SCN2A: variants seen among roughly 807,000 people sequenced by gnomAD.
SCN2A encodes the protein sodium voltage-gated channel alpha subunit 2.
A neutral mutation model predicts 188.7 loss-of-function variants in SCN2A; 20 were observed. The ratio of observed to expected loss-of-function variants is 0.11; its 90% confidence interval spans 0.07 to 0.15. The LOEUF (loss-of-function observed/expected upper bound fraction) is 0.15. SCN2A is among the 10% of genes least tolerant of loss of function. The pLI is 1.00. For missense variants in SCN2A, 1,278 were observed against 2,445.0 expected (o/e 0.52, Z 10.07); for synonymous variants, 804 against 833.1 (o/e 0.97, Z 0.60).
At chr2:165,266,842 A>G (rs1694888133) in intron 1 of SCN2A, 2 of 152,136 alleles carry the variant, frequency 1.3e-5, no homozygotes, top group African/African-American at 4.8e-5. Flanking sequence ...AAGTCAACAT[A>G]CAAAAATCAG....
intron 7 of SCN2A, 59 bp downstream of exon 7, chr2:165,310,654 T>A: frequency 8.1e-7 from 1 of 1,231,064 alleles, no homozygotes. Context: ...AAATATTATA[T>A]ATAATGGAAA....
chr2:165,286,785 T>G (rs1695854643), intron 1 of SCN2A, among the ~76,000 whole-genome samples: 1 of 152,194 alleles, frequency 6.6e-6, no homozygotes, highest in South Asian at 2.1e-4. Context: ...TCATTGAGGA[T>G]TTCTCTGGAA....
At chr2:165,280,179 G>A (rs1574490928) in intron 1 of SCN2A, among the ~76,000 whole-genome samples, 1 of 152,180 alleles carries the variant, frequency 6.6e-6, no homozygotes, top group East Asian at 1.9e-4. Context: ...TAAAAGCAAT[G>A]GTAATTTGTC....
chr2:165,308,236 A>G (rs1256829322), intron 4 of SCN2A, among the ~76,000 whole-genome samples: 1 of 152,154 alleles, frequency 6.6e-6, no homozygotes, highest in Non-Finnish European at 1.5e-5. Context: ...GATAAAAAGT[A>G]TACCTAGTTT....
At chr2:165,314,245 A>G in intron 10 of SCN2A, 137 bp downstream of exon 10, 1 of 823,654 alleles carries the variant, frequency 1.2e-6, no homozygotes. Flanking sequence ...CTGTTTGGTT[A>G]TTAAGAAGTT....
At chr2:165,273,492 A>G (rs1695192889) in intron 1 of SCN2A, 1 of 152,174 alleles carries the variant, frequency 6.6e-6, no homozygotes, top group African/African-American at 2.4e-5. Context: ...TAAAGTAGGG[A>G]TTTAATTCTA....
At chr2:165,282,571 A>G (rs1476761952) in intron 1 of SCN2A, among the ~76,000 whole-genome samples, 2 of 152,210 alleles carry the variant, frequency 1.3e-5, no homozygotes, top group African/African-American at 4.8e-5. Context: ...TTTTCCTGCT[A>G]CTTAAACAAG....
At position 165,241,135 on chromosome 2, in the gene SCN2A, C is replaced by CGT. The variant is rs142870700; in HGVS notation, c.-52+1517_-52+1518dup. On this transcript the variant is annotated intron_variant, in intron 1 of 26. Coordinates refer to ENST00000375437, the MANE Select transcript of SCN2A (RefSeq NM_001040142.2). ...ACCAGGTATGATGATATTCACTGTG[C>CGT]GTGTGTGTGTGTGTGTGTGTGTGCA... The CGT allele has an allele frequency of 4.0e-3, 553 of 138,262 alleles. 2 individuals carry two copies. Among genetic ancestry groups the CGT allele is most frequent in the African/African-American group, 5.4e-3 (202 of 37,676 alleles). The allele number at this position is 138,262 out of a possible 1,614,324, so 8.6% of individuals were successfully genotyped here.
chr2:165,286,357 C>T (rs975336183), intron 1 of SCN2A, among the ~76,000 whole-genome samples: 10 of 152,096 alleles, frequency 6.6e-5, no homozygotes, highest in East Asian at 3.9e-4. Flanking sequence ...GGTAATATGC[C>T]GAAGTGGAGA....
chr2:165,323,031 C>A, intron 11 of SCN2A, 125 bp from the exon 12 acceptor site: 2 of 915,548 alleles, frequency 2.2e-6, no homozygotes, highest in Non-Finnish European at 1.7e-6. Context: ...CTTTCTTCCA[C>A]ATGTCCAATG....
chr2:165,246,848 G>A (rs998561910), intron 1 of SCN2A, among the ~76,000 whole-genome samples: 13 of 152,020 alleles, frequency 8.6e-5, no homozygotes, highest in Non-Finnish European at 1.3e-4. Flanking sequence ...ACATGTCCCT[G>A]GATCACTTAC....
intron 1 of SCN2A, among the ~76,000 whole-genome samples, chr2:165,243,369 G>A (rs377432582): frequency 6.6e-5 from 10 of 152,168 alleles, no homozygotes; most frequent in South Asian, 2.1e-4. Context: ...TTGGGAGGCC[G>A]AGGTGGGCGG....
intron 1 of SCN2A, among the ~76,000 whole-genome samples, chr2:165,292,121 T>A (rs1268765247): frequency 1.3e-5 from 2 of 152,308 alleles, no homozygotes; most frequent in East Asian, 3.9e-4. Flanking sequence ...TAACATCAGC[T>A]GAGCTCTTGA....
At chr2:165,321,879 G>C (rs1405224130) in intron 11 of SCN2A, among the ~76,000 whole-genome samples, 1 of 152,096 alleles carries the variant, frequency 6.6e-6, no homozygotes, top group Non-Finnish European at 1.5e-5. Context: ...TAAAATAATG[G>C]TTTTAGTTAG....
intron 12 of SCN2A, among the ~76,000 whole-genome samples, chr2:165,325,919 A>C (rs1420792755): frequency 6.6e-6 from 1 of 152,202 alleles, no homozygotes; most frequent in Non-Finnish European, 1.5e-5. Flanking sequence ...ACATCATAAT[A>C]GGATGTGACC....
rs1300280982 is a variant in SCN2A, at chr2:165,307,950, A to G, written c.476+13A>G. On this transcript the variant is annotated intron_variant, in intron 4 of 26. Coordinates refer to ENST00000375437, the MANE Select transcript of SCN2A (RefSeq NM_001040142.2). ...CAAAGAATGTGGAGTAAGTATAAAT[A>G]TTTTTCAATATTGACCTCCCTTTAT... 6.6e-7 allele frequency: 1 copy of G among 1,515,596 alleles called. No homozygotes were observed. Among genetic ancestry groups the G allele is most frequent in the Non-Finnish European group, 9.2e-7 (1 of 1,090,668 alleles). 93.9% of individuals were successfully genotyped at this position (1,515,596 alleles called of 1,614,324 possible). A position where few individuals can be genotyped will look rare whatever the true frequency, so the allele number is the denominator to read the frequency against.
intron 15 of SCN2A, among the ~76,000 whole-genome samples, chr2:165,342,702 T>C (rs551695339): frequency 6.6e-6 from 1 of 152,284 alleles, no homozygotes; most frequent in South Asian, 2.1e-4. Context: ...GGAAGGCTAA[T>C]AGAGAGGAGG....
chr2:165,309,258 T>C, intron 5 of SCN2A, 94 bp from the exon 6 acceptor site: 1 of 1,613,542 alleles, frequency 6.2e-7, no homozygotes, highest in Non-Finnish European at 8.5e-7. Flanking sequence ...TAATTCCAGG[T>C]AAGAAGAAAA....
intron 7 of SCN2A, 68 bp from the exon 8 acceptor site, chr2:165,311,957 C>T (rs1467166017): frequency 9.1e-7 from 1 of 1,101,478 alleles, no homozygotes; most frequent in Non-Finnish European, 1.4e-6. Flanking sequence ...GCTTTGCCAC[C>T]TAAACAGGGT....
Sources: gnomAD v4.1 joint callset for allele counts (sites outside exome capture counted in the v4.1 genomes callset) on GRCh38, gnomAD v4.1.1 for gene constraint, MANE v1.5 for transcripts, NCBI Gene and HGNC (gene_info 2026-07-23, HGNC 2026-07-21) for gene names.